Variants in GRIK2 observed in about 807,000 individuals in gnomAD.
GRIK2 encodes the protein glutamate receptor ionotropic, kainate 2.
A neutral mutation model predicts 100.3 loss-of-function variants in GRIK2; 32 were observed. The ratio of observed to expected loss-of-function variants is 0.32; its 90% CI spans 0.24 to 0.43. The LOEUF is 0.43. Ranked by LOEUF, GRIK2 falls within the 20% of genes least tolerant of loss-of-function variation. The pLI, the probability that GRIK2 is intolerant of heterozygous loss-of-function variation, is 1.00. For missense variants in GRIK2, 843 were observed against 1,114.9 expected (o/e 0.76, Z 3.47); for synonymous variants, 417 against 389.4 (o/e 1.07, Z -0.83).
intron 7 of GRIK2, among the ~76,000 whole-genome samples, chr6:101,713,800 A>G (rs1397317412): frequency 6.6e-6 from 1 of 151,772 alleles, no homozygotes; most frequent in East Asian, 1.9e-4. Flanking sequence ...GTATTTTTAA[A>G]CATATCTCTA....
intron 7 of GRIK2, among the ~76,000 whole-genome samples, chr6:101,741,235 A>C (rs767854070): frequency 1.1e-4 from 17 of 152,158 alleles, no homozygotes; most frequent in Non-Finnish European, 2.2e-4. Context: ...TCTAATGGGA[A>C]ATAGGGTCAA....
At chr6:101,987,630 A>G (rs1464955899) in intron 14 of GRIK2, among the ~76,000 whole-genome samples, 2 of 150,440 alleles carry the variant, frequency 1.3e-5, no homozygotes, top group Non-Finnish European at 3.0e-5. Flanking sequence ...GATGTATACT[A>G]ATTATTAAGA....
At chr6:101,417,561 T>C (rs550287992) in intron 2 of GRIK2, among the ~76,000 whole-genome samples, 6 of 152,344 alleles carry the variant, frequency 3.9e-5, no homozygotes. Context: ...CTGCATTTTC[T>C]ACTTTGCCTG....
chr6:101,703,055 C>T (rs368212825), intron 7 of GRIK2, among the ~76,000 whole-genome samples: 9 of 151,766 alleles, frequency 5.9e-5, no homozygotes, highest in East Asian at 5.8e-4. Context: ...GTATTTGGCA[C>T]ATTAATAGGC....
intron 7 of GRIK2, among the ~76,000 whole-genome samples, chr6:101,717,017 G>A (rs1187431036): frequency 1.3e-5 from 2 of 151,906 alleles, no homozygotes; most frequent in African/African-American, 4.8e-5. Context: ...GGAGAAAAGT[G>A]TGTAAATTGA....
At chr6:102,016,445 A>T (rs547655156) in intron 14 of GRIK2, among the ~76,000 whole-genome samples, 1 of 152,124 alleles carries the variant, frequency 6.6e-6, no homozygotes, top group African/African-American at 2.4e-5. Flanking sequence ...AAAGAATTTT[A>T]AAAAAAGAAT....
chr6:101,739,516 G>A (rs1170910894), intron 7 of GRIK2, among the ~76,000 whole-genome samples: 1 of 152,122 alleles, frequency 6.6e-6, no homozygotes, highest in Non-Finnish European at 1.5e-5. Context: ...CCTGGGCAAA[G>A]TACTTCACCT....
intron 10 of GRIK2, among the ~76,000 whole-genome samples, chr6:101,849,720 T>C (rs1751770084): frequency 1.3e-5 from 2 of 151,860 alleles, no homozygotes; most frequent in Admixed American, 1.3e-4. Context: ...TTTGTTTCAA[T>C]TGCCGTAATA....
intron 14 of GRIK2, among the ~76,000 whole-genome samples, chr6:102,013,684 A>C (rs190553806): frequency 3.3e-3 from 504 of 152,232 alleles, no homozygotes; most frequent in Non-Finnish European, 5.9e-3. Context: ...ATCTATTAAG[A>C]TAATCATGTG....
At chr6:101,679,499 G>T (rs118002324) in intron 5 of GRIK2, among the ~76,000 whole-genome samples, 41 of 152,030 alleles carry the variant, frequency 2.7e-4, no homozygotes, top group Non-Finnish European at 5.1e-4. Context: ...TATATTATTT[G>T]TGCATAAAAA....
chr6:101,690,223 A>AT (rs921718174), intron 7 of GRIK2, among the ~76,000 whole-genome samples: 55 of 151,964 alleles, frequency 3.6e-4, no homozygotes, highest in African/African-American at 7.5e-4. Flanking sequence ...AATTATCAGT[A>AT]TTTTTTTTCT....
chr6:101,653,603 T>C (rs142803055), intron 4 of GRIK2, among the ~76,000 whole-genome samples: 396 of 152,206 alleles, frequency 2.6e-3, no homozygotes, highest in Middle Eastern at 6.8e-3. Flanking sequence ...CAGAGTCCTT[T>C]AAAATTTTGT....
At chr6:101,607,684 A>C (rs1210303051) in intron 2 of GRIK2, among the ~76,000 whole-genome samples, 2 of 151,942 alleles carry the variant, frequency 1.3e-5, no homozygotes, top group Non-Finnish European at 2.9e-5. Context: ...ATGTCAGGAT[A>C]ACCTCATGCT....
rs528437940 is a variant in GRIK2, at chr6:101,496,211, T to C, written c.115+96819T>C. Among the ~76,000 whole-genome samples the C allele has an allele frequency of 2.6e-5, 4 of 152,226 alleles. No homozygotes were observed. In the South Asian group the frequency reaches 8.3e-4, roughly 32 times the overall value. ...ATCCGCTTGTCTCAGCCTCCCAAAG[T>C]GCTGGGGTTACAGGCGTGAGCCACC... On this transcript the variant is annotated intron_variant, in intron 2 of 16. Coordinates refer to ENST00000369134, the MANE Select transcript of GRIK2 (RefSeq NM_021956.5).
Position 102,056,416 on chromosome 6 carries a change from C to T in GRIK2, c.2562+836C>T, listed in dbSNP as rs143935629. 7.3e-3 allele frequency among the ~76,000 whole-genome samples: 1,113 copies of T among 151,968 alleles called. 15 individuals carry two copies. The highest frequency in any genetic ancestry group is 0.025 in the African/African-American group (1,054 of 41,520). On this transcript the variant is annotated intron_variant, in intron 16 of 16. Transcript: ENST00000369134. ...ACATGATACTTTTTGTATGCAAATT[C>T]ATTGCTCTGGATATGACAAAACCAA...
At position 101,941,720 on chromosome 6, in the gene GRIK2, A is replaced by G. The variant is rs577243646; in HGVS notation, c.2085+13088A>G. Among the ~76,000 whole-genome samples the G allele has an allele frequency of 3.9e-5, 6 of 152,294 alleles. No individual in the cohort carries two copies. In the East Asian group the frequency reaches 1.2e-3, roughly 29 times the overall value. ...TTTGTTACAAAGTTGTAAAAATGAG[A>G]TTAAAAGAAATATTGTAAATAAGCA... On this transcript the variant is annotated intron_variant, in intron 14 of 16. Coordinates refer to ENST00000369134, the MANE Select transcript of GRIK2 (RefSeq NM_021956.5).
Position 101,595,136 on chromosome 6 carries a change from T to A in GRIK2, c.116-26813T>A, listed in dbSNP as rs544783382. 1.5e-4 allele frequency among the ~76,000 whole-genome samples: 22 copies of A among 151,314 alleles called. No homozygotes were observed. The South Asian group carries it at 4.4e-3, about 30-fold the overall frequency. On this transcript the variant is annotated intron_variant, in intron 2 of 16. Coordinates refer to ENST00000369134, the MANE Select transcript of GRIK2 (RefSeq NM_021956.5). ...AGAATAGCCACTTTTGACAATGTGA[T>A]GATCAGTCAAAAACATGAAAACCAA...
chr6:101,800,409 T>G (rs1195088500), intron 8 of GRIK2, among the ~76,000 whole-genome samples: 1 of 151,934 alleles, frequency 6.6e-6, no homozygotes, highest in Non-Finnish European at 1.5e-5. Context: ...TATACAAATA[T>G]GTATACGTAT....
intron 1 of GRIK2, among the ~76,000 whole-genome samples, chr6:101,396,257 G>A (rs1036980131): frequency 1.7e-4 from 25 of 145,698 alleles, no homozygotes; most frequent in Admixed American, 3.4e-4. Flanking sequence ...CCCCCCCCAG[G>A]AAGTGAGTGA....
Sources: gnomAD v4.1 joint callset for allele counts (sites outside exome capture counted in the v4.1 genomes callset) on GRCh38, gnomAD v4.1.1 for gene constraint, MANE v1.5 for transcripts, NCBI Gene and HGNC (gene_info 2026-07-23, HGNC 2026-07-21) for gene names.